Variants in SDC2 observed in about 807,000 individuals in gnomAD.
SDC2 encodes the protein syndecan-2.
A neutral mutation model predicts 22.2 loss-of-function variants in SDC2; 13 were observed. The ratio of observed to expected loss-of-function variants is 0.59; its 90% confidence interval spans 0.38 to 0.93. The LOEUF is 0.93. Ranked by LOEUF, SDC2 falls within the 40% of genes least tolerant of loss-of-function variation. The pLI, the probability that SDC2 is intolerant of heterozygous loss-of-function variation, is 0.00. For synonymous variants in SDC2, 94 were observed against 92.8 expected, an observed-to-expected ratio of 1.01 and a Z score of -0.07; for missense variants, 235 against 246.8, an observed-to-expected ratio of 0.95 and a Z score of 0.32.
intron 3 of SDC2, among the ~76,000 whole-genome samples, chr8:96,604,404 T>C (rs935489773): frequency 6.6e-6 from 1 of 152,348 alleles, no homozygotes; most frequent in East Asian, 1.9e-4. Context: ...AATATAGTAA[T>C]AGTAGAAATT....
chr8:96,548,539 A>G (rs985370635), intron 1 of SDC2, among the ~76,000 whole-genome samples: 3 of 152,222 alleles, frequency 2.0e-5, no homozygotes, highest in African/African-American at 7.2e-5. Context: ...GATAGATGAT[A>G]TGATTCATCT....
chr8:96,563,119 C>CT (rs976943388), intron 1 of SDC2, among the ~76,000 whole-genome samples: 7 of 152,146 alleles, frequency 4.6e-5, no homozygotes, highest in Non-Finnish European at 7.3e-5. Flanking sequence ...AGCGAGGTGA[C>CT]TGTGTTGCCA....
intron 1 of SDC2, among the ~76,000 whole-genome samples, chr8:96,535,871 T>C (rs1002298072): frequency 6.6e-6 from 1 of 152,212 alleles, no homozygotes; most frequent in African/African-American, 2.4e-5. Context: ...GGATGGAGAC[T>C]TGAGACACAA....
chr8:96,558,914 C>T (rs1390319152), intron 1 of SDC2, among the ~76,000 whole-genome samples: 4 of 152,102 alleles, frequency 2.6e-5, no homozygotes, highest in East Asian at 1.9e-4. Context: ...TAAAGAACCT[C>T]AATGAAAAAT....
intron 3 of SDC2, among the ~76,000 whole-genome samples, chr8:96,605,967 T>C (rs1815071874): frequency 1.3e-5 from 2 of 152,182 alleles, no homozygotes; most frequent in Admixed American, 1.3e-4. Flanking sequence ...GCCTCTAGAC[T>C]TAACTAGCAG....
At chr8:96,566,387 G>T (rs953401840) in intron 1 of SDC2, among the ~76,000 whole-genome samples, 1 of 152,108 alleles carries the variant, frequency 6.6e-6, no homozygotes, top group African/African-American at 2.4e-5. Context: ...ACCATTAATG[G>T]TATGATAGCT....
intron 1 of SDC2, among the ~76,000 whole-genome samples, chr8:96,551,165 T>TAC (rs1458241077): frequency 1.3e-5 from 2 of 152,192 alleles, no homozygotes; most frequent in African/African-American, 4.8e-5. Context: ...ACACCTAGTC[T>TAC]AGGCAGGTGG....
At chr8:96,571,031 T>C (rs1396684202) in intron 1 of SDC2, among the ~76,000 whole-genome samples, 1 of 152,210 alleles carries the variant, frequency 6.6e-6, no homozygotes, top group East Asian at 1.9e-4. Flanking sequence ...CGCTGAACTA[T>C]ACACTTGAAA....
At chr8:96,581,156 T>C (rs573674643) in intron 1 of SDC2, among the ~76,000 whole-genome samples, 22 of 152,378 alleles carry the variant, frequency 1.4e-4, no homozygotes, top group Non-Finnish European at 2.6e-4. Context: ...TTGTCACTAG[T>C]AAATTACTAT....
chr8:96,603,138 G>A (rs989423823), intron 3 of SDC2, among the ~76,000 whole-genome samples: 6 of 152,300 alleles, frequency 3.9e-5, no homozygotes, highest in African/African-American at 1.4e-4. Flanking sequence ...TTTTGACCTC[G>A]TTAATATTGC....
intron 1 of SDC2, among the ~76,000 whole-genome samples, chr8:96,539,867 A>G (rs2130508626): frequency 6.6e-6 from 1 of 152,186 alleles, no homozygotes; most frequent in South Asian, 2.1e-4. Context: ...TTTAACCCTT[A>G]CCTACCCTTA....
At chr8:96,555,780 C>T (rs1814098645) in intron 1 of SDC2, among the ~76,000 whole-genome samples, 1 of 152,188 alleles carries the variant, frequency 6.6e-6, no homozygotes, top group South Asian at 2.1e-4. Flanking sequence ...TTTCTTCACT[C>T]ATTTTTCAAA....
chr8:96,582,043 A>G lies in SDC2; in HGVS notation c.61-11437A>G, dbSNP rs10107541. ...ACCGGGAGCTAATGCTTCTGCCCCA[A>G]CTGCCATGGTGCAGCTCGGGGAAGG... On this transcript the variant is annotated intron_variant, in intron 1 of 4. Transcript: ENST00000302190. Among the ~76,000 whole-genome samples the G allele has an allele frequency of 6.1e-3, 927 of 152,286 alleles. 6 individuals are homozygous for G. Among genetic ancestry groups the G allele is most frequent in the African/African-American group, 0.021 (887 of 41,556 alleles).
chr8:96,609,235 C>T, intron 4 of SDC2, 150 bp from the exon 5 acceptor site: 1 of 533,128 alleles, frequency 1.9e-6, no homozygotes, highest in Non-Finnish European at 3.1e-6. Flanking sequence ...GCATAGTTAC[C>T]AGGTTGCTTC....
chr8:96,548,723 C>T (rs1015588074), intron 1 of SDC2, among the ~76,000 whole-genome samples: 7 of 152,292 alleles, frequency 4.6e-5, no homozygotes, highest in South Asian at 2.1e-4. Flanking sequence ...TCACCAGAAA[C>T]GGGCCAATGA....
intron 1 of SDC2, among the ~76,000 whole-genome samples, chr8:96,515,569 G>C (rs1042187573): frequency 6.6e-6 from 1 of 152,140 alleles, no homozygotes; most frequent in Non-Finnish European, 1.5e-5. Context: ...AAACAACTGG[G>C]GTGCGAAGGG....
intron 1 of SDC2, among the ~76,000 whole-genome samples, chr8:96,530,251 C>T (rs905334961): frequency 2.2e-4 from 34 of 152,140 alleles, no homozygotes; most frequent in African/African-American, 7.5e-4. Context: ...AACCTTTCAG[C>T]AGAATTTTGG....
At chr8:96,542,717 G>C (rs1355575692) in intron 1 of SDC2, among the ~76,000 whole-genome samples, 1 of 151,798 alleles carries the variant, frequency 6.6e-6, no homozygotes, top group Non-Finnish European at 1.5e-5. Flanking sequence ...CAGGGCGGGG[G>C]TAAGTCAGAA....
intron 1 of SDC2, among the ~76,000 whole-genome samples, chr8:96,519,422 G>A (rs1439301074): frequency 6.6e-6 from 1 of 152,134 alleles, no homozygotes. Flanking sequence ...GACATATTTA[G>A]TAGAGAATAA....
Sources: allele counts gnomAD v4.1 joint callset (sites outside exome capture counted in the v4.1 genomes callset), GRCh38; gene constraint gnomAD v4.1.1; transcripts MANE v1.5; gene names NCBI Gene and HGNC (gene_info 2026-07-23, HGNC 2026-07-21).